Variants in PSMD9 observed in about 807,000 individuals in gnomAD.
The protein encoded by PSMD9 is 26S proteasome non-ATPase regulatory subunit 9.
A neutral mutation model predicts 25.9 loss-of-function variants in PSMD9; 26 were observed. The observed-to-expected ratio is 1.00, with a 90% CI of 0.73 to 1.39. The LOEUF (loss-of-function observed/expected upper bound fraction) is 1.39, where lower values mean the gene tolerates loss of function less well. Ranked by LOEUF, PSMD9 falls within the 40% of genes most tolerant of loss-of-function variation. The pLI is 0.00. For synonymous variants in PSMD9, 110 were observed against 114.5 expected (o/e 0.96, Z 0.25); for missense variants, 303 against 299.3 (o/e 1.01, Z -0.09).
At chr12:121,913,264 A>G (rs1214883999) in intron 4 of PSMD9, among the ~76,000 whole-genome samples, 3 of 149,016 alleles carry the variant, frequency 2.0e-5, no homozygotes, top group Admixed American at 6.7e-5. Flanking sequence ...TATTTTTAGT[A>G]GAGACGGGGT....
intron 4 of PSMD9, among the ~76,000 whole-genome samples, chr12:121,913,843 T>G (rs1879812710): frequency 6.6e-6 from 1 of 152,080 alleles, no homozygotes; most frequent in African/African-American, 2.4e-5. Context: ...TTCACTCTGT[T>G]AATAGTGTCA....
rs1460514633 is a variant in PSMD9, at chr12:121,891,382, C to T, written c.138+2388C>T. 1.6e-4 allele frequency among the ~76,000 whole-genome samples: 23 copies of T among 146,598 alleles called. No individual in the cohort carries two copies. The East Asian group carries it at 2.9e-3, about 19-fold the overall frequency. ...TTGGGAGGCCGAGGCGGGCGGATCA[C>T]GAGGTCAGGAGATCGAGACCATCCT... On this transcript the variant is annotated intron_variant, in intron 1 of 5. Coordinates refer to ENST00000541212, the MANE Select transcript of PSMD9 (RefSeq NM_002813.7).
At chr12:121,902,073 TACC>T (rs1879416396) in intron 3 of PSMD9, 1 of 152,240 alleles carries the variant, frequency 6.6e-6, no homozygotes. Context: ...TTTGAATTGT[TACC>T]ACTTTTTGGC....
At chr12:121,894,651 T>TA in intron 1 of PSMD9, 88 bp from the exon 2 acceptor site, 1 of 1,129,108 alleles carries the variant, frequency 8.9e-7, no homozygotes, top group Non-Finnish European at 1.3e-6. Context: ...TCACCTTTAT[T>TA]ATGACTTCAG....
At chr12:121,889,728 C>G (rs1879005553) in intron 1 of PSMD9, among the ~76,000 whole-genome samples, 1 of 152,094 alleles carries the variant, frequency 6.6e-6, no homozygotes, top group African/African-American at 2.4e-5. Context: ...AACTGAGGCC[C>G]AGAGTGGGGC....
At position 121,917,426 on chromosome 12, in the gene PSMD9, TTG is replaced by T. The variant is rs1879949322; in HGVS notation, c.*1117_*1118del. On this transcript the variant is annotated 3_prime_UTR_variant, in exon 6 of 6. Coordinates refer to ENST00000541212, the MANE Select transcript of PSMD9 (RefSeq NM_002813.7). ...GCTTATTCTTCCTCCCTTTTATTTT[TTG>T]TCTCTTTTAAGATGGTAAAATGGTT... The T allele has an allele frequency of 6.6e-6, 1 of 152,268 alleles. No homozygotes were observed. Among genetic ancestry groups the T allele is most frequent in the Admixed American group, 6.5e-5 (1 of 15,284 alleles). The allele number at this position is 152,268 out of a possible 1,614,324, so 9.4% of individuals were successfully genotyped here.
rs1879932769 is a variant in PSMD9, at chr12:121,917,100, A to C, written c.*789A>C. On this transcript the variant is annotated 3_prime_UTR_variant, in exon 6 of 6. Coordinates refer to ENST00000541212, the MANE Select transcript of PSMD9 (RefSeq NM_002813.7). ...TCACTGAAGCCTTGACGCTGTGGGC[A>C]CTGCCTCAGCCGCCCAAGTATCTGG... 1 of 152,326 alleles carries C rather than the reference A, an allele frequency of 6.6e-6. No homozygotes were observed. Among genetic ancestry groups the C allele is most frequent in the African/African-American group, 2.4e-5 (1 of 41,470 alleles). 9.4% of individuals were successfully genotyped at this position (152,326 alleles called of 1,614,324 possible).
chr12:121,888,925 C>T lies in PSMD9; in HGVS notation c.69C>T (p.Val23=), dbSNP rs781551124. The T allele has an allele frequency of 1.5e-5, 24 of 1,595,366 alleles. No homozygotes were observed. The highest frequency in any genetic ancestry group is 2.0e-5 in the Non-Finnish European group (23 of 1,171,850). Residue 23 remains valine (V), a synonymous_variant, in exon 1 of 6, where the codon GTC becomes GTT. Coordinates refer to ENST00000541212, the MANE Select transcript of PSMD9 (RefSeq NM_002813.7). ...CCGGCGTCGTGACTGTCAGCGACGTCCAGGAGCTGATGCGGCGCAAGGAGG... is the reference window on the plus strand; with the variant it reads ...CCGGCGTCGTGACTGTCAGCGACGTTCAGGAGCTGATGCGGCGCAAGGAGG... ...SQAGVVTVSD[V]QELMRRKEEI... is the part of the protein sequence containing the mutation.
intron 4 of PSMD9, among the ~76,000 whole-genome samples, chr12:121,909,340 C>T (rs1879649727): frequency 6.7e-6 from 1 of 149,286 alleles, no homozygotes; most frequent in Non-Finnish European, 1.5e-5. Context: ...AGGACAGGGT[C>T]TCTCGCTCTG....
intron 3 of PSMD9, among the ~76,000 whole-genome samples, chr12:121,901,401 T>G (rs1163043708): frequency 6.6e-6 from 1 of 152,134 alleles, no homozygotes; most frequent in African/African-American, 2.4e-5. Context: ...CAGACTTCAG[T>G]GCCATGGTGC....
Position 121,894,765 on chromosome 12 carries a change from G to A in PSMD9, c.165G>A (p.Pro55=), listed in dbSNP as rs367872241. The change falls in exon 2 of 6, where the codon CCG becomes CCA. Residue 55 remains proline, a synonymous_variant. Transcript: ENST00000541212. ...ESQKGIGMNE[P]LVDCEGYPRS... ...AAAAAGGCATTGGGATGAACGAGCC[G>A]CTGGTGGACTGTGAGGGCTACCCCC... is the stretch of plus-strand genomic sequence containing the variant. 130 of 1,613,972 alleles carry A rather than the reference G, an allele frequency of 8.1e-5. No homozygotes were observed. Among genetic ancestry groups the A allele is most frequent in the Admixed American group, 2.7e-4 (16 of 59,984 alleles).
At chr12:121,893,423 C>G (rs983606443) in intron 1 of PSMD9, among the ~76,000 whole-genome samples, 1 of 152,254 alleles carries the variant, frequency 6.6e-6, no homozygotes, top group African/African-American at 2.4e-5. Flanking sequence ...CTAATCCTTA[C>G]AGCCACTATT....
At chr12:121,916,165 C>G in intron 5 of PSMD9, 119 bp from the exon 6 acceptor site, 2 of 1,368,842 alleles carry the variant, frequency 1.5e-6, no homozygotes, top group South Asian at 1.2e-5. Flanking sequence ...CATTCATGCA[C>G]TAGGCATTTG....
chr12:121,904,529 G>A (rs1422726426), intron 4 of PSMD9, among the ~76,000 whole-genome samples: 2 of 150,560 alleles, frequency 1.3e-5, no homozygotes, highest in African/African-American at 4.9e-5. Flanking sequence ...AGCCGAGATC[G>A]CGCCATTGCA....
At chr12:121,913,235 C>T (rs1300164583) in intron 4 of PSMD9, among the ~76,000 whole-genome samples, 9 of 151,682 alleles carry the variant, frequency 5.9e-5, no homozygotes, top group African/African-American at 7.3e-5. Flanking sequence ...TGAGCCACCG[C>T]GCCTGGCCTT....
chr12:121,909,798 T>C (rs1879665059), intron 4 of PSMD9, among the ~76,000 whole-genome samples: 2 of 152,200 alleles, frequency 1.3e-5, no homozygotes, highest in African/African-American at 4.8e-5. Context: ...CCTCCCATGT[T>C]CGACATTTAG....
At chr12:121,902,513 G>A (rs1255025556) in intron 3 of PSMD9, 2 of 158,246 alleles carry the variant, frequency 1.3e-5, no homozygotes, top group East Asian at 3.7e-4. Context: ...TGAATGAGTG[G>A]TGGTCTGTCT....
intron 3 of PSMD9, among the ~76,000 whole-genome samples, chr12:121,901,836 C>T (rs928567749): frequency 3.6e-4 from 54 of 152,022 alleles, no homozygotes; most frequent in African/African-American, 9.2e-4. Flanking sequence ...CCATCACGTC[C>T]AGCTAATTTT....
chr12:121,914,018 C>T (rs1233065840), intron 4 of PSMD9, among the ~76,000 whole-genome samples: 1 of 152,022 alleles, frequency 6.6e-6, no homozygotes, highest in Non-Finnish European at 1.5e-5. Flanking sequence ...GCCTCAGCCT[C>T]CCGAGTAGCT....
Sources: gnomAD v4.1 joint callset for allele counts (sites outside exome capture counted in the v4.1 genomes callset) on GRCh38, gnomAD v4.1.1 for gene constraint, MANE v1.5 for transcripts, NCBI Gene and HGNC (gene_info 2026-07-23, HGNC 2026-07-21) for gene names.